The following IGSF21 variants were observed in gnomAD, a reference collection of about 807,000 sequenced individuals.
The protein encoded by IGSF21 is immunoglobin superfamily member 21.
In IGSF21, 28 loss-of-function variants were observed where a neutral mutation model predicts 46.8. The ratio of observed to expected loss-of-function variants is 0.60; its 90% confidence interval spans 0.44 to 0.82. The LOEUF is 0.82. IGSF21 is among the 40% of genes least tolerant of loss of function. The probability of loss-of-function intolerance (pLI) is 0.00; values close to 1 mark genes in which losing one functional copy is unlikely to be tolerated. For synonymous variants in IGSF21, 284 were observed against 273.6 expected (o/e 1.04, Z -0.38); for missense variants, 624 against 665.5 (o/e 0.94, Z 0.69).
chr1:18,258,157 A>C (rs2084909097), intron 2 of IGSF21, among the ~76,000 whole-genome samples: 1 of 152,164 alleles, frequency 6.6e-6, no homozygotes, highest in Non-Finnish European at 1.5e-5. Context: ...GTGACCCACC[A>C]AGGATACACA....
chr1:18,279,294 A>C (rs447900), intron 2 of IGSF21, among the ~76,000 whole-genome samples: 152,344 of 152,344 alleles, frequency 1, 76,172 homozygotes, highest in Non-Finnish European at 1. Flanking sequence ...TTTAAGGTAT[A>C]TGGCTCCTGA....
intron 6 of IGSF21, among the ~76,000 whole-genome samples, chr1:18,369,933 A>G (rs1056152962): frequency 1.3e-5 from 2 of 152,054 alleles, no homozygotes; most frequent in Admixed American, 1.3e-4. Flanking sequence ...CATCTCACTA[A>G]ATGGCAACCA....
chr1:18,230,392 C>A (rs543563823), intron 2 of IGSF21, among the ~76,000 whole-genome samples: 45 of 152,322 alleles, frequency 3.0e-4, no homozygotes, highest in Non-Finnish European at 5.4e-4. Flanking sequence ...GCATATCGGG[C>A]CATGGTAGGC....
At chr1:18,333,497 G>T (rs1479512084) in intron 3 of IGSF21, among the ~76,000 whole-genome samples, 1 of 152,192 alleles carries the variant, frequency 6.6e-6, no homozygotes, top group Non-Finnish European at 1.5e-5. Context: ...CAAAAGTCCT[G>T]CAGGGACATC....
At chr1:18,135,412 T>G in intron 1 of IGSF21, among the ~76,000 whole-genome samples, 1 of 77,194 alleles carries the variant, frequency 1.3e-5, no homozygotes, top group South Asian at 4.9e-4. Flanking sequence ...CCCTCCCCCC[T>G]CCCCCAACCC....
intron 4 of IGSF21, among the ~76,000 whole-genome samples, chr1:18,336,270 A>G (rs899857304): frequency 6.6e-6 from 1 of 152,240 alleles, no homozygotes; most frequent in Non-Finnish European, 1.5e-5. Flanking sequence ...AAGCAGAGTA[A>G]AGGGATAAAG....
At chr1:18,244,000 A>G (rs2084759167) in intron 2 of IGSF21, among the ~76,000 whole-genome samples, 1 of 152,200 alleles carries the variant, frequency 6.6e-6, no homozygotes, top group African/African-American at 2.4e-5. Flanking sequence ...CATGACAGCA[A>G]CCATGCAACC....
chr1:18,187,638 T>C (rs2086916390), intron 1 of IGSF21, among the ~76,000 whole-genome samples: 1 of 152,154 alleles, frequency 6.6e-6, no homozygotes, highest in African/African-American at 2.4e-5. Context: ...GGAGCTACAA[T>C]TCAAGATGAG....
At chr1:18,336,749 G>A (rs2085770857) in intron 4 of IGSF21, among the ~76,000 whole-genome samples, 1 of 152,038 alleles carries the variant, frequency 6.6e-6, no homozygotes, top group African/African-American at 2.4e-5. Context: ...TACTGTATTA[G>A]TCCATTTTCA....
rs1404959837 is a variant in IGSF21 at position 18,205,137 on chromosome 1, AGGGGAGAGAG to A, written c.71-22760_71-22751del. Among the ~76,000 whole-genome samples the A allele has an allele frequency of 1.0e-4, 15 of 145,774 alleles. 2 individuals are homozygous for A. In the South Asian group the frequency reaches 3.0e-3, roughly 29 times the overall value. ...AATGGGGGAGAGAAGAAAGATAAGA[AGGGGAGAGAG>A]AGAGAGAGAGAGAAAGAGAGAGGGA... On this transcript the variant is annotated intron_variant, in intron 1 of 9. Coordinates refer to ENST00000251296, the MANE Select transcript of IGSF21 (RefSeq NM_032880.5).
At chr1:18,355,181 T>C (rs1356563983) in intron 4 of IGSF21, among the ~76,000 whole-genome samples, 2 of 152,180 alleles carry the variant, frequency 1.3e-5, no homozygotes, top group Non-Finnish European at 2.9e-5. Context: ...ACTCTAGTAC[T>C]CACAGTTTGA....
intron 2 of IGSF21, among the ~76,000 whole-genome samples, chr1:18,262,592 C>T (rs1383802945): frequency 1.3e-5 from 2 of 152,200 alleles, no homozygotes; most frequent in African/African-American, 2.4e-5. Context: ...ATGTTTATTG[C>T]ATCTGTAGCA....
chr1:18,145,777 G>A (rs534384874), intron 1 of IGSF21, among the ~76,000 whole-genome samples: 226 of 152,344 alleles, frequency 1.5e-3, no homozygotes, highest in African/African-American at 4.7e-3. Context: ...CCGGCTGAGC[G>A]TGGAGGTTAG....
At chr1:18,135,945 A>T (rs1208027322) in intron 1 of IGSF21, among the ~76,000 whole-genome samples, 1 of 152,122 alleles carries the variant, frequency 6.6e-6, no homozygotes, top group Admixed American at 6.5e-5. Flanking sequence ...CTTTTTAATG[A>T]TGGCCATTCT....
chr1:18,141,221 C>T lies in IGSF21; in HGVS notation c.70+33023C>T, dbSNP rs574723594. Among the ~76,000 whole-genome samples, 7 of 152,258 alleles carry T rather than the reference C, an allele frequency of 4.6e-5. No homozygotes were observed. The South Asian group carries it at 1.5e-3, about 32-fold the overall frequency. On this transcript the variant is annotated intron_variant, in intron 1 of 9. Coordinates refer to ENST00000251296, the MANE Select transcript of IGSF21 (RefSeq NM_032880.5). The stretch of plus-strand genomic sequence containing the variant: ...AGGTCTCATCTAGTCGGGAGGAAGA[C>T]AGGGAGGAGGAGAGAGAGAGTTTAA...
intron 1 of IGSF21, among the ~76,000 whole-genome samples, chr1:18,175,177 C>T (rs2086783330): frequency 6.6e-6 from 1 of 152,198 alleles, no homozygotes. Flanking sequence ...GCGTCCAAAA[C>T]TCAGAATTCT....
rs561000889 is a variant in IGSF21 at position 18,247,630 on chromosome 1, G to A, written c.183+19620G>A. On this transcript the variant is annotated intron_variant, in intron 2 of 9. Coordinates refer to ENST00000251296, the MANE Select transcript of IGSF21 (RefSeq NM_032880.5). ...AAGTAACGCCCCTGGATGGGGTATC[G>A]CAGGGAGAAAATGACATCACTCTGG... Among the ~76,000 whole-genome samples the A allele has an allele frequency of 4.6e-5, 7 of 152,240 alleles. No individual in the cohort carries two copies. In the East Asian group the frequency reaches 1.4e-3, roughly 29 times the overall value.
At chr1:18,188,037 A>T (rs1178395868) in intron 1 of IGSF21, among the ~76,000 whole-genome samples, 3 of 152,204 alleles carry the variant, frequency 2.0e-5, no homozygotes, top group Non-Finnish European at 4.4e-5. Flanking sequence ...GAATCCACGT[A>T]TGCCTCAAGA....
At chr1:18,149,114 G>A (rs547247918) in intron 1 of IGSF21, among the ~76,000 whole-genome samples, 95 of 152,298 alleles carry the variant, frequency 6.2e-4, no homozygotes, top group Non-Finnish European at 6.0e-4. Context: ...GGCCCACCTT[G>A]CCTGGACAAC....
Sources: gnomAD v4.1 joint callset for allele counts (sites outside exome capture counted in the v4.1 genomes callset) on GRCh38, gnomAD v4.1.1 for gene constraint, MANE v1.5 for transcripts, NCBI Gene and HGNC (gene_info 2026-07-23, HGNC 2026-07-21) for gene names.